SLC35A4: variants seen among roughly 807,000 people sequenced by gnomAD.
The protein encoded by SLC35A4 is solute carrier family 35 member A4.
SLC35A4 carries 9 observed loss-of-function variants against 18.8 expected under a neutral mutation model. The ratio of observed to expected loss-of-function variants is 0.48; its 90% CI spans 0.29 to 0.83. SLC35A4 has a LOEUF of 0.83. SLC35A4 is among the 40% of genes least tolerant of loss of function. The pLI, the probability that SLC35A4 is intolerant of heterozygous loss-of-function variation, is 0.09. For synonymous variants in SLC35A4, 189 were observed against 191.9 expected, an observed-to-expected ratio of 0.98 and a Z score of 0.13; for missense variants, 404 against 415.5, an observed-to-expected ratio of 0.97 and a Z score of 0.24.
chr5:140,567,799 G>T lies in SLC35A4; in HGVS notation c.630G>T (p.Met210Ile). ...GLSSVYTELL[M>I]KRQRLPLALQ... ...CGTCAGTGTACACAGAGCTGCTCAT[G>T]AAGCGACAGCGGCTGCCCCTGGCAC... Residue 210 changes from methionine to isoleucine, a missense_variant, in exon 3 of 3, where the codon ATG (methionine) becomes ATT (isoleucine). By Grantham distance (10) the Met-to-Ile change is conservative. Coordinates refer to ENST00000323146, the MANE Select transcript of SLC35A4 (RefSeq NM_080670.4). 6.2e-7 allele frequency: 1 copy of T among 1,614,072 alleles called. No homozygotes were observed. The highest frequency in any genetic ancestry group is 2.2e-5 in the East Asian group (1 of 44,882).
rs1250325925 is a variant in SLC35A4 at position 140,564,854 on chromosome 5, A to G, written c.-709A>G. On this transcript the variant is annotated 5_prime_UTR_variant, in exon 1 of 3. Coordinates refer to ENST00000323146, the MANE Select transcript of SLC35A4 (RefSeq NM_080670.4). This position sits in a 1 kb window ranked among gnomAD's most constrained non-coding sequence, Gnocchi z 5.0. ...AGTTCGGCGGGGAAGATGGCGGATG[A>G]CAAGGTGAGTGGCCGTGGGGGTGAT... 31 of 404,446 alleles carry G rather than the reference A, an allele frequency of 7.7e-5. No homozygotes were observed. The highest frequency in any genetic ancestry group is 1.2e-4 in the Non-Finnish European group (27 of 229,144). 25.1% of individuals were successfully genotyped at this position (404,446 alleles called of 1,614,324 possible).
rs760457535 is a variant in SLC35A4 at position 140,567,598 on chromosome 5, G to GT, written c.431dup (p.Leu144PhefsTer216). 1.2e-6 allele frequency: 2 copies of GT among 1,614,142 alleles called. No individual in the cohort carries two copies. The highest frequency in any genetic ancestry group is 2.7e-5 in the African/African-American group (2 of 74,952). On this transcript the variant is annotated frameshift_variant, in exon 3 of 3. Coordinates refer to ENST00000323146, the MANE Select transcript of SLC35A4 (RefSeq NM_080670.4). LOFTEE classifies it high-confidence loss of function. Reference sequence around the variant, plus strand: ...GGCACCGCCTCTCTGTGCGTCAGGGGTTAGCGCTGCTGCTGCTGATGGCTG... The same window carrying GT: ...GGCACCGCCTCTCTGTGCGTCAGGGGTTTAGCGCTGCTGCTGCTGATGGCTG...
chr5:140,565,413 C>T (rs1755162453), intron 1 of SLC35A4: 1 of 156,450 alleles, frequency 6.4e-6, no homozygotes, highest in Non-Finnish European at 1.4e-5. Flanking sequence ...TAAAATTGTC[C>T]AGGAAACTGC....
chr5:140,567,030 G>C lies in SLC35A4; in HGVS notation c.-140G>C. 1 of 1,340,106 alleles carries C rather than the reference G, an allele frequency of 7.5e-7. No individual in the cohort carries two copies. Among genetic ancestry groups the C allele is most frequent in the Non-Finnish European group, 1.1e-6 (1 of 949,806 alleles). The allele number at this position is 1,340,106 out of a possible 1,614,324, so 83.0% of individuals were successfully genotyped here. A position where few individuals can be genotyped will look rare whatever the true frequency, so the allele number is the denominator to read the frequency against. On this transcript the variant is annotated 5_prime_UTR_variant, in exon 3 of 3. Transcript: ENST00000323146. ...TCTTCAAGCCCTGACTGTGGAGTTG[G>C]TAGATGCCTCTGATCCTCAGTATTC...
Position 140,564,942 on chromosome 5 carries a change from G to T in SLC35A4, c.-705+84G>T. Reference sequence around the variant, plus strand: ...TTAGTTCCGGGGAGAAGCGACTCTGGAGCGGCTCAGGAGTGAGGATGTCCC... The same window carrying T: ...TTAGTTCCGGGGAGAAGCGACTCTGTAGCGGCTCAGGAGTGAGGATGTCCC... On this transcript the variant is annotated intron_variant, in intron 1 of 2. Coordinates refer to ENST00000323146, the MANE Select transcript of SLC35A4 (RefSeq NM_080670.4). This position sits in a 1 kb window ranked among gnomAD's most constrained non-coding sequence, Gnocchi z 5.0. The T allele has an allele frequency of 2.5e-6, 1 of 400,586 alleles. No homozygotes were observed. The highest frequency in any genetic ancestry group is 1.2e-4 in the South Asian group (1 of 8,366). The allele number at this position is 400,586 out of a possible 1,614,324, so 24.8% of individuals were successfully genotyped here. A position where few individuals can be genotyped will look rare whatever the true frequency, so the allele number is the denominator to read the frequency against.
rs764433490 is a variant in SLC35A4 at position 140,567,244 on chromosome 5, A to G, written c.75A>G (p.Leu25=). ...CCCGCTGGACCCTGATGCTACTCCT[A>G]TCCACTGCCATGTACGGTGCCCATG... is the stretch of plus-strand genomic sequence containing the variant. ...RQARWTLMLL[L]STAMYGAHAP... is the part of the protein sequence containing the mutation. The change falls in exon 3 of 3, where the codon CTA becomes CTG. Residue 25 remains leucine, a synonymous_variant. Coordinates refer to ENST00000323146, the MANE Select transcript of SLC35A4 (RefSeq NM_080670.4). 2.5e-6 allele frequency: 4 copies of G among 1,614,120 alleles called. No homozygotes were observed. The highest frequency in any genetic ancestry group is 2.2e-5 in the East Asian group (1 of 44,864).
rs376565549 is a variant in SLC35A4 at position 140,567,926 on chromosome 5, G to C, written c.757G>C (p.Ala253Pro). ...PGLLEGFSGWAALVVLSQALN... is the reference protein window; with the variant it reads ...PGLLEGFSGWPALVVLSQALN... ...CCTCCTGGAAGGTTTCTCAGGATGG[G>C]CAGCACTCGTGGTGCTGAGCCAGGC... The change falls in exon 3 of 3, where the codon GCA becomes CCA. Residue 253 changes from alanine to proline, a missense_variant. Ala to Pro is a conservative substitution (Grantham distance 27). Transcript: ENST00000323146. 4 of 1,614,208 alleles carry C rather than the reference G, an allele frequency of 2.5e-6. No homozygotes were observed. The highest frequency in any genetic ancestry group is 1.3e-5 in the African/African-American group (1 of 75,054).
Position 140,567,399 on chromosome 5 carries a change from C to T in SLC35A4, c.230C>T (p.Pro77Leu), listed in dbSNP as rs1755213799. The change falls in exon 3 of 3, where the codon CCC (proline) becomes CTC (leucine). Residue 77 changes from proline (P) to leucine (L), a missense_variant. Pro to Leu is a moderately conservative substitution (Grantham distance 98). Transcript: ENST00000323146. ...FSLLVGWQAWPQGPPPWRQAA... is the reference protein window; with the variant it reads ...FSLLVGWQAWLQGPPPWRQAA... ...CTTCTGGTAGGCTGGCAAGCATGGC[C>T]CCAGGGGCCCCCACCCTGGCGCCAG... 6.2e-7 allele frequency: 1 copy of T among 1,614,034 alleles called. No individual in the cohort carries two copies. The highest frequency in any genetic ancestry group is 8.5e-7 in the Non-Finnish European group (1 of 1,180,040).
At chr5:140,565,290 TACAC>T (rs369229094) in intron 1 of SLC35A4, 227 of 175,156 alleles carry the variant, frequency 1.3e-3, no homozygotes, top group African/African-American at 5.2e-3. Flanking sequence ...TCCATTTACT[TACAC>T]ACTTGCCGAC....
rs1431482108 is a variant in SLC35A4, at chr5:140,567,065, A to G, written c.-105A>G. Reference sequence around the variant, plus strand: ...CTGATCCTCAGTATTCTCTCTGGCAATGTTCCACGGCTTCTCCTTCCTGGG... The same window carrying G: ...CTGATCCTCAGTATTCTCTCTGGCAGTGTTCCACGGCTTCTCCTTCCTGGG... On this transcript the variant is annotated 5_prime_UTR_variant, in exon 3 of 3. It removes an upstream start codon present in the reference 5' UTR. Coordinates refer to ENST00000323146, the MANE Select transcript of SLC35A4 (RefSeq NM_080670.4). 5 of 1,559,616 alleles carry G rather than the reference A, an allele frequency of 3.2e-6. No homozygotes were observed. Among genetic ancestry groups the G allele is most frequent in the Non-Finnish European group, 8.8e-7 (1 of 1,139,372 alleles).
At chr5:140,565,622 T>C (rs1477154895) in intron 1 of SLC35A4, 1 of 293,934 alleles carries the variant, frequency 3.4e-6, no homozygotes, top group Non-Finnish European at 6.2e-6. Context: ...TACTGCTTGC[T>C]ATATAAAATT....
At chr5:140,565,106 C>A in intron 1 of SLC35A4, 1 of 394,404 alleles carries the variant, frequency 2.5e-6, no homozygotes, top group Non-Finnish European at 4.5e-6. Context: ...CTAGCACAGA[C>A]TCAAAAACAT....
chr5:140,567,082 C>T lies in SLC35A4; in HGVS notation c.-88C>T. 1 of 1,598,184 alleles carries T rather than the reference C, an allele frequency of 6.3e-7. No homozygotes were observed. Among genetic ancestry groups the T allele is most frequent in the South Asian group, 1.1e-5 (1 of 90,360 alleles). On this transcript the variant is annotated 5_prime_UTR_variant, in exon 3 of 3. Transcript: ENST00000323146. ...CTCTGGCAATGTTCCACGGCTTCTCCTTCCTGGGAGCTGGCTCCATAACTT... is the reference window on the plus strand; with the variant it reads ...CTCTGGCAATGTTCCACGGCTTCTCTTTCCTGGGAGCTGGCTCCATAACTT...
chr5:140,567,062 G>A lies in SLC35A4; in HGVS notation c.-108G>A. 6.5e-7 allele frequency: 1 copy of A among 1,545,752 alleles called. No homozygotes were observed. Among genetic ancestry groups the A allele is most frequent in the Non-Finnish European group, 8.9e-7 (1 of 1,127,464 alleles). On this transcript the variant is annotated 5_prime_UTR_variant, in exon 3 of 3. Coordinates refer to ENST00000323146, the MANE Select transcript of SLC35A4 (RefSeq NM_080670.4). ...CCTCTGATCCTCAGTATTCTCTCTG[G>A]CAATGTTCCACGGCTTCTCCTTCCT...
At chr5:140,566,324 C>T (rs1755187396) in intron 2 of SLC35A4, among the ~76,000 whole-genome samples, 1 of 152,142 alleles carries the variant, frequency 6.6e-6, no homozygotes. Flanking sequence ...GCATCTCTGA[C>T]CTTGTGTGGC....
Position 140,567,919 on chromosome 5 carries a change from AGGATGG to A in SLC35A4, c.752_757del (p.Gly251_Trp252del). 3 of 1,614,214 alleles carry A rather than the reference AGGATGG, an allele frequency of 1.9e-6. No individual in the cohort carries two copies. The highest frequency in any genetic ancestry group is 2.5e-6 in the Non-Finnish European group (3 of 1,180,032). ...GCCCAGGCCTCCTGGAAGGTTTCTC[AGGATGG>A]GCAGCACTCGTGGTGCTGAGCCAGG... On this transcript the variant is annotated inframe_deletion, in exon 3 of 3. Transcript: ENST00000323146.
Position 140,568,009 on chromosome 5 carries a change from C to CT in SLC35A4, c.843dup (p.Val282CysfsTer78), listed in dbSNP as rs1424428918. The CT allele has an allele frequency of 1.9e-6, 3 of 1,613,990 alleles. No homozygotes were observed. The highest frequency in any genetic ancestry group is 2.5e-6 in the Non-Finnish European group (3 of 1,180,020). The stretch of plus-strand genomic sequence containing the variant: ...AGCATGGCAGCAGCATCACACGCCT[C>CT]TTTGTGGTGTCCTGCTCGCTGGTGG... On this transcript the variant is annotated frameshift_variant, in exon 3 of 3. Coordinates refer to ENST00000323146, the MANE Select transcript of SLC35A4 (RefSeq NM_080670.4). LOFTEE classifies it high-confidence loss of function.
Position 140,567,866 on chromosome 5 carries a change from C to G in SLC35A4, c.697C>G (p.Leu233Val). Reference protein sequence around the residue: ...FLYTFGVLLNLGLHAGGGSGP... With the variant: ...FLYTFGVLLNVGLHAGGGSGP... The stretch of plus-strand genomic sequence containing the variant: ...CTACACTTTTGGTGTGCTTCTGAAT[C>G]TAGGTCTGCATGCTGGCGGCGGCTC... Residue 233 changes from leucine to valine, a missense_variant, in exon 3 of 3, where the codon CTA becomes GTA. Leu to Val is a conservative substitution (Grantham distance 32). Transcript: ENST00000323146. 1 of 1,614,210 alleles carries G rather than the reference C, an allele frequency of 6.2e-7. No individual in the cohort carries two copies. Among genetic ancestry groups the G allele is most frequent in the Non-Finnish European group, 8.5e-7 (1 of 1,180,036 alleles).
Position 140,567,412 on chromosome 5 carries a change from A to G in SLC35A4, c.243A>G (p.Pro81=). Residue 81 remains proline (P), a synonymous_variant, in exon 3 of 3, where the codon CCA becomes CCG. Transcript: ENST00000323146. ...GGCAAGCATGGCCCCAGGGGCCCCC[A>G]CCCTGGCGCCAGGCTGCTCCCTTCG... ...VGWQAWPQGP[P]PWRQAAPFAL... 6.2e-7 allele frequency: 1 copy of G among 1,613,900 alleles called. No homozygotes were observed. Among genetic ancestry groups the G allele is most frequent in the Non-Finnish European group, 8.5e-7 (1 of 1,179,986 alleles).
Sources: gnomAD v4.1 joint callset for allele counts (sites outside exome capture counted in the v4.1 genomes callset) on GRCh38, gnomAD v4.1.1 for gene constraint, Gnocchi (gnomAD v3.1) non-coding constraint, MANE v1.5 for transcripts, NCBI Gene and HGNC (gene_info 2026-07-23, HGNC 2026-07-21) for gene names.